ANKRD17: variants seen among roughly 807,000 people sequenced by gnomAD.
ANKRD17 encodes the protein ankyrin repeat domain-containing protein 17.
A neutral mutation model predicts 229.7 loss-of-function variants in ANKRD17; 19 were observed. That is an observed-to-expected ratio of 0.08 (90% CI 0.06 to 0.12). The LOEUF is 0.12. Among genes scored for constraint, ANKRD17 ranks in the 10% least tolerant of loss-of-function variants. ANKRD17 has a pLI of 1.00. For missense variants in ANKRD17, 2,176 were observed against 3,176.8 expected, an observed-to-expected ratio of 0.68 and a Z score of 7.57; for synonymous variants, 1,112 against 1,146.1, an observed-to-expected ratio of 0.97 and a Z score of 0.60.
chr4:73,142,335 A>T lies in ANKRD17; in HGVS notation c.2136T>A (p.Val712=), dbSNP rs1323005813. The change falls in exon 13 of 34, where the codon GTT becomes GTA. Residue 712 remains valine (V), a synonymous_variant. Coordinates refer to ENST00000358602, the MANE Select transcript of ANKRD17 (RefSeq NM_032217.5). ...TAGGATAATCCAAGAGATAGCAAAC[A>T]ACACTTGTATGGCCACCTTTTGCTG... is the stretch of plus-strand genomic sequence containing the variant. ...IEAAKGGHTS[V]VCYLLDYPNN... is the part of the protein sequence containing the mutation. 3.2e-6 allele frequency: 5 copies of T among 1,584,452 alleles called. No individual in the cohort carries two copies. The highest frequency in any genetic ancestry group is 3.4e-6 in the Non-Finnish European group (4 of 1,173,504).
At chr4:73,123,752 TG>T (rs1220600040) in intron 18 of ANKRD17, among the ~76,000 whole-genome samples, 1 of 151,908 alleles carries the variant, frequency 6.6e-6, no homozygotes, top group East Asian at 1.9e-4. Flanking sequence ...AAAAATCTAG[TG>T]GGTTTAACTA....
chr4:73,224,496 T>A (rs1429571179), intron 1 of ANKRD17, among the ~76,000 whole-genome samples: 1 of 152,134 alleles, frequency 6.6e-6, no homozygotes, highest in Non-Finnish European at 1.5e-5. Context: ...TTAAATGATA[T>A]AAAGTACCTA....
In ANKRD17 at chr4:73,098,457, G is replaced by A. The variant is rs561028903; in HGVS notation, c.4637C>T (p.Ala1546Val). ...AGAACCTGCCAAAGTTGTCCAGGTT[G>A]CAGATATACCTATGGTAGTAGTGGT... ...ATTTTTIGIS[A>V]TWTTLAGSHG... Residue 1546 changes from alanine (A) to valine (V), a missense_variant, in exon 26 of 34, where the codon GCA becomes GTA. Transcript: ENST00000358602. 3.7e-5 allele frequency: 59 copies of A among 1,614,152 alleles called. 1 individual carries two copies. In the South Asian group the frequency reaches 6.5e-4, roughly 18 times the overall value.
chr4:73,200,813 T>A (rs573150761), intron 1 of ANKRD17, among the ~76,000 whole-genome samples: 22 of 152,096 alleles, frequency 1.4e-4, no homozygotes, highest in Admixed American at 5.2e-4. Context: ...TGCTAGGCAC[T>A]GAAGAACCAG....
At position 73,077,407 on chromosome 4, in the gene ANKRD17, C is replaced by G. The variant is rs201990436; in HGVS notation, c.7535G>C (p.Gly2512Ala). The G allele has an allele frequency of 1.0e-3, 1,679 of 1,613,642 alleles. 41 individuals carry two copies. In the South Asian group the frequency reaches 0.017, roughly 17 times the overall value. ...TGCAGGAACATGCTGATGGAATGTACCAGAAGGAGTTACAATTCCTGTACT... is the reference window on the plus strand; with the variant it reads ...TGCAGGAACATGCTGATGGAATGTAGCAGAAGGAGTTACAATTCCTGTACT... Reference protein sequence around the residue: ...RDSTGIVTPSGTFHQHVPAGY... With the variant: ...RDSTGIVTPSATFHQHVPAGY... Residue 2512 changes from glycine (G) to alanine (A), a missense_variant, in exon 32 of 34, where the codon GGT (glycine) becomes GCT (alanine). By Grantham distance (60) the Gly-to-Ala change is moderately conservative (BLOSUM62 0). Around this residue, in one of 18 missense-constraint regions of ANKRD17, gnomAD observed 159 missense variants for 214.3 expected, o/e 0.74. Coordinates refer to ENST00000358602, the MANE Select transcript of ANKRD17 (RefSeq NM_032217.5).
In ANKRD17 at chr4:73,177,473, T is replaced by G. The variant is rs1354499387; in HGVS notation, c.454A>C (p.Lys152Gln). 1 of 1,613,804 alleles carries G rather than the reference T, an allele frequency of 6.2e-7. No individual in the cohort carries two copies. The highest frequency in any genetic ancestry group is 8.5e-7 in the Non-Finnish European group (1 of 1,179,786). The change falls in exon 2 of 34, where the codon AAG (lysine) becomes CAG (glutamine). Residue 152 changes from lysine to glutamine, a missense_variant. Lys to Gln is a moderately conservative substitution (Grantham distance 53). Coordinates refer to ENST00000358602, the MANE Select transcript of ANKRD17 (RefSeq NM_032217.5). ...TCAGCAGTACCTGATAAGAGCAACTTGGAAGCTGTTTCCAGCATTGGATTT... is the reference window on the plus strand; with the variant it reads ...TCAGCAGTACCTGATAAGAGCAACTGGGAAGCTGTTTCCAGCATTGGATTT... ...LENPMLETAS[K>Q]LLLSGTADGA... is the part of the protein sequence containing the mutation.
At chr4:73,223,070 T>A in intron 1 of ANKRD17, 1 of 1,534,304 alleles carries the variant, frequency 6.5e-7, no homozygotes, top group Non-Finnish European at 8.7e-7. Context: ...TATGATTAGA[T>A]CATTGCCAGC....
intron 3 of ANKRD17, among the ~76,000 whole-genome samples, chr4:73,160,189 A>G (rs1190785694): frequency 1.4e-5 from 2 of 143,784 alleles, no homozygotes; most frequent in East Asian, 4.1e-4. Flanking sequence ...TCCTTGAAGT[A>G]TCTATCCATT....
Position 73,235,194 on chromosome 4 carries a change from A to G in ANKRD17, c.393+23082T>C, listed in dbSNP as rs144186364. Among the ~76,000 whole-genome samples, 244 of 152,300 alleles carry G rather than the reference A, an allele frequency of 1.6e-3. 1 individual carries two copies. The highest frequency in any genetic ancestry group is 5.6e-3 in the African/African-American group (233 of 41,550). On this transcript the variant is annotated intron_variant, in intron 1 of 33. Transcript: ENST00000358602. ...GGGAATGTATTCATGTGCTTTGGGTAGAGGTGAGCCTTCCCAGTCACCACA... is the reference window on the plus strand; with the variant it reads ...GGGAATGTATTCATGTGCTTTGGGTGGAGGTGAGCCTTCCCAGTCACCACA...
intron 1 of ANKRD17, among the ~76,000 whole-genome samples, chr4:73,185,639 C>T (rs1220478226): frequency 6.6e-6 from 1 of 151,934 alleles, no homozygotes; most frequent in Non-Finnish European, 1.5e-5. Flanking sequence ...ATTTCAGTAA[C>T]ATAAAATGGG....
intron 1 of ANKRD17, among the ~76,000 whole-genome samples, chr4:73,199,881 A>G (rs574073444): frequency 1.3e-5 from 2 of 152,338 alleles, no homozygotes; most frequent in East Asian, 3.9e-4. Flanking sequence ...TTCTGAAACT[A>G]GAAAGACATT....
chr4:73,168,910 G>A (rs991389628), intron 2 of ANKRD17: 1 of 152,188 alleles, frequency 6.6e-6, no homozygotes, highest in Admixed American at 6.5e-5. Context: ...TATCTGATAA[G>A]TAACTTTTCA....
Position 73,148,669 on chromosome 4 carries a change from T to C in ANKRD17, c.1567+144A>G, listed in dbSNP as rs535690603. The C allele has an allele frequency of 1.1e-4, 86 of 748,728 alleles. 1 individual carries two copies. In the Middle Eastern group the frequency reaches 2.7e-3, roughly 24 times the overall value. The allele number at this position is 748,728 out of a possible 1,614,324, so 46.4% of individuals were successfully genotyped here. A position where few individuals can be genotyped will look rare whatever the true frequency, so the allele number is the denominator to read the frequency against. On this transcript the variant is annotated intron_variant, in intron 8 of 33. Transcript: ENST00000358602. ...GTTTTAACACAGTATGGGAGCCATT[T>C]TCACAGTAAATACTTTATCACTGGT...
intron 24 of ANKRD17, chr4:73,104,183 G>C (rs1426257060): frequency 6.6e-6 from 1 of 152,188 alleles, no homozygotes; most frequent in Non-Finnish European, 1.5e-5. Context: ...CTCCCAGAAA[G>C]CTCCAGTCTG....
At chr4:73,183,009 A>G (rs552505478) in intron 1 of ANKRD17, among the ~76,000 whole-genome samples, 2 of 152,330 alleles carry the variant, frequency 1.3e-5, no homozygotes. Flanking sequence ...AAGGAGAAAG[A>G]GGTTGAGAAT....
At chr4:73,136,544 GAAAAC>G (rs544603238) in intron 15 of ANKRD17, among the ~76,000 whole-genome samples, 21 of 151,812 alleles carry the variant, frequency 1.4e-4, no homozygotes, top group Admixed American at 2.6e-4. Context: ...AAACGAAGGA[GAAAAC>G]AAAACAAAAC....
At chr4:73,227,407 C>A (rs918361901) in intron 1 of ANKRD17, among the ~76,000 whole-genome samples, 1 of 151,960 alleles carries the variant, frequency 6.6e-6, no homozygotes, top group Admixed American at 6.6e-5. Flanking sequence ...CCTGCCTTGG[C>A]CTCCCAAAGT....
intron 1 of ANKRD17, among the ~76,000 whole-genome samples, chr4:73,182,051 CAAAAAAAAAAAAAAAAAAAAAAAAAA>C (rs143812968): frequency 2.1e-4 from 9 of 43,244 alleles, no homozygotes; most frequent in African/African-American, 7.7e-4. Context: ...CCGTCCCCAC[CAAAAAAAAAAAAAAAAAAAAAAAAAA>C]AAAAAAAAAA....
chr4:73,153,725 TAAAC>T (rs985213271), intron 6 of ANKRD17, among the ~76,000 whole-genome samples, 151 bp downstream of exon 6: 6 of 152,244 alleles, frequency 3.9e-5, no homozygotes, highest in African/African-American at 1.2e-4. Flanking sequence ...ATTTAAATAG[TAAAC>T]AAACTGCAAC....
Sources: allele counts gnomAD v4.1 joint callset (sites outside exome capture counted in the v4.1 genomes callset), GRCh38; gene constraint gnomAD v4.1.1; regional missense constraint gnomAD v4.1.1; transcripts MANE v1.5; gene names NCBI Gene and HGNC (gene_info 2026-07-23, HGNC 2026-07-21).